Variants in PARD3B observed in about 807,000 individuals in gnomAD.
PARD3B encodes the protein par-3 family cell polarity regulator beta.
A neutral mutation model predicts 130.2 loss-of-function variants in PARD3B; 103 were observed. The ratio of observed to expected loss-of-function variants is 0.79; its 90% CI spans 0.67 to 0.93. The LOEUF (loss-of-function observed/expected upper bound fraction) is 0.93. Among genes scored for constraint, PARD3B ranks in the 40% least tolerant of loss-of-function variants. The probability of loss-of-function intolerance (pLI) is 0.00; values close to 1 mark genes in which losing one functional copy is unlikely to be tolerated. For synonymous variants in PARD3B, 583 were observed against 553.2 expected, an observed-to-expected ratio of 1.05 and a Z score of -0.76; for missense variants, 1,609 against 1,499.2, an observed-to-expected ratio of 1.07 and a Z score of -1.21.
intron 4 of PARD3B, among the ~76,000 whole-genome samples, chr2:205,064,151 G>A (rs1189285070): frequency 6.6e-6 from 1 of 152,126 alleles, no homozygotes; most frequent in Non-Finnish European, 1.5e-5. Flanking sequence ...ATTCCAAGTG[G>A]CAAAATACAA....
chr2:204,581,210 G>A (rs1559167745), intron 1 of PARD3B, among the ~76,000 whole-genome samples: 1 of 152,294 alleles, frequency 6.6e-6, no homozygotes, highest in Non-Finnish European at 1.5e-5. Flanking sequence ...AGTTCTCTGA[G>A]CACTGCAGTT....
At chr2:204,674,759 A>C (rs916242934) in intron 1 of PARD3B, among the ~76,000 whole-genome samples, 1 of 152,176 alleles carries the variant, frequency 6.6e-6, no homozygotes, top group Non-Finnish European at 1.5e-5. Flanking sequence ...AAAATGCTTT[A>C]AACCTTACTC....
At chr2:205,285,423 A>T (rs1209515312) in intron 16 of PARD3B, among the ~76,000 whole-genome samples, 1 of 152,052 alleles carries the variant, frequency 6.6e-6, no homozygotes, top group Non-Finnish European at 1.5e-5. Context: ...TGCCTTGCCT[A>T]TTGTCCATGT....
chr2:204,732,998 T>C (rs1051132642), intron 2 of PARD3B, among the ~76,000 whole-genome samples: 3 of 152,164 alleles, frequency 2.0e-5, no homozygotes, highest in African/African-American at 7.2e-5. Context: ...TGGTGCTTTT[T>C]TTTTACTTGA....
At chr2:204,833,222 G>C (rs748097007) in intron 2 of PARD3B, among the ~76,000 whole-genome samples, 13 of 152,178 alleles carry the variant, frequency 8.5e-5, no homozygotes, top group Non-Finnish European at 8.8e-5. Context: ...AGCATTTAAA[G>C]TGTTTGTCAG....
At chr2:205,205,740 G>A (rs746870574) in intron 15 of PARD3B, among the ~76,000 whole-genome samples, 3 of 152,174 alleles carry the variant, frequency 2.0e-5, no homozygotes, top group Non-Finnish European at 2.9e-5. Context: ...TTATGTGAAG[G>A]ATTACATTAA....
chr2:205,565,645 T>A (rs1211654457), intron 22 of PARD3B, among the ~76,000 whole-genome samples: 2 of 152,112 alleles, frequency 1.3e-5, no homozygotes, highest in African/African-American at 2.4e-5. Flanking sequence ...TCCAATTTTT[T>A]AAAAAATGAA....
chr2:205,218,918 A>G (rs976280741), intron 15 of PARD3B, among the ~76,000 whole-genome samples: 91 of 152,214 alleles, frequency 6.0e-4, no homozygotes, highest in African/African-American at 2.2e-3. Context: ...CATCTCCACT[A>G]AAAATACAAA....
intron 3 of PARD3B, among the ~76,000 whole-genome samples, chr2:205,025,833 T>C (rs1696979862): frequency 2.0e-5 from 3 of 152,182 alleles, no homozygotes; most frequent in Admixed American, 6.6e-5. Context: ...AGATGCCTTG[T>C]ACCTGACCTA....
At chr2:204,791,332 G>A (rs2042197639) in intron 2 of PARD3B, among the ~76,000 whole-genome samples, 1 of 152,126 alleles carries the variant, frequency 6.6e-6, no homozygotes, top group South Asian at 2.1e-4. Flanking sequence ...ATCACTTTAT[G>A]TAGTATTGTT....
At chr2:205,462,459 A>G (rs2048483015) in intron 20 of PARD3B, among the ~76,000 whole-genome samples, 1 of 152,208 alleles carries the variant, frequency 6.6e-6, no homozygotes, top group Non-Finnish European at 1.5e-5. Context: ...TATAACTGAA[A>G]TGAGGCTCTT....
At chr2:205,492,240 C>T (rs1048660959) in intron 20 of PARD3B, among the ~76,000 whole-genome samples, 1 of 152,142 alleles carries the variant, frequency 6.6e-6, no homozygotes, top group Non-Finnish European at 1.5e-5. Context: ...AGATAATGGA[C>T]AGAAGAAGCC....
intron 1 of PARD3B, among the ~76,000 whole-genome samples, chr2:204,619,997 T>C (rs1429056187): frequency 1.3e-5 from 2 of 152,092 alleles, no homozygotes; most frequent in African/African-American, 4.8e-5. Flanking sequence ...TACTGACTCA[T>C]GCACCTCTCT....
At chr2:204,973,272 TA>T (rs1257794731) in intron 3 of PARD3B, among the ~76,000 whole-genome samples, 2 of 152,242 alleles carry the variant, frequency 1.3e-5, no homozygotes, top group African/African-American at 4.8e-5. Flanking sequence ...TTATCTGTAT[TA>T]AAAAATTTGT....
rs543400583 is a variant in PARD3B at position 205,446,692 on chromosome 2, AT to A, written c.3044+6023del. ...TATAAATGACAGTGGTTAAAAAAAAATTTCTACCACCAGGACAGAGACACGT... is the reference window on the plus strand; with the variant it reads ...TATAAATGACAGTGGTTAAAAAAAAATTCTACCACCAGGACAGAGACACGT... On this transcript the variant is annotated intron_variant, in intron 20 of 22. Coordinates refer to ENST00000406610, the MANE Select transcript of PARD3B (RefSeq NM_001302769.2). The surrounding 1 kb of genome is among the most constrained non-coding windows in gnomAD (Gnocchi z 4.4). 2.6e-5 allele frequency among the ~76,000 whole-genome samples: 4 copies of A among 152,234 alleles called. No homozygotes were observed. The South Asian group carries it at 8.3e-4, about 32-fold the overall frequency.
intron 18 of PARD3B, among the ~76,000 whole-genome samples, chr2:205,388,062 G>A (rs901079608): frequency 6.6e-6 from 1 of 152,168 alleles, no homozygotes; most frequent in Non-Finnish European, 1.5e-5. Context: ...AAATTTACTT[G>A]ATTGAGAGTC....
rs35408494 is a variant in PARD3B, at chr2:205,140,486, CTT to C, written c.1434+14767_1434+14768del. ...AAAAAAAAAAAAAGGAAGACCGTTC[CTT>C]TTTTTTTTTTTTTTTTTAAAGTTTC... On this transcript the variant is annotated intron_variant, in intron 10 of 22. Transcript: ENST00000406610. Among the ~76,000 whole-genome samples, 1,170 of 117,468 alleles carry C rather than the reference CTT, an allele frequency of 1.0e-2. 13 individuals are homozygous for C. The highest frequency in any genetic ancestry group is 0.023 in the African/African-American group (727 of 31,716). The allele number at this position is 117,468 out of a possible 152,430, so 77.1% of individuals were successfully genotyped here.
At position 205,301,821 on chromosome 2, in the gene PARD3B, G is replaced by A. The variant is rs745790875; in HGVS notation, c.2630+120G>A. ...TCCTCGTCTTCAGCCAAATGCATAC[G>A]GCTCTCAATTCTGTGCTCGTTCTCT... On this transcript the variant is annotated intron_variant, in intron 18 of 22. Coordinates refer to ENST00000406610, the MANE Select transcript of PARD3B (RefSeq NM_001302769.2). This position sits in a 1 kb window ranked among gnomAD's most constrained non-coding sequence, Gnocchi z 5.2. 16 of 1,464,868 alleles carry A rather than the reference G, an allele frequency of 1.1e-5. No homozygotes were observed. Among genetic ancestry groups the A allele is most frequent in the Admixed American group, 1.7e-5 (1 of 59,790 alleles). 90.7% of individuals were successfully genotyped at this position (1,464,868 alleles called of 1,614,324 possible). A position where few individuals can be genotyped will look rare whatever the true frequency, so the allele number is the denominator to read the frequency against.
chr2:205,051,878 G>A (rs941793850), intron 4 of PARD3B, among the ~76,000 whole-genome samples: 31 of 152,072 alleles, frequency 2.0e-4, no homozygotes, highest in Non-Finnish European at 1.5e-5. Flanking sequence ...TCCTCTTTTG[G>A]TCAACATACC....
Sources: gnomAD v4.1 joint callset for allele counts (sites outside exome capture counted in the v4.1 genomes callset) on GRCh38, gnomAD v4.1.1 for gene constraint, Gnocchi (gnomAD v3.1) non-coding constraint, MANE v1.5 for transcripts, NCBI Gene and HGNC (gene_info 2026-07-23, HGNC 2026-07-21) for gene names.